The following SLC22A23 variants were observed in gnomAD, a reference collection of about 807,000 sequenced individuals.
SLC22A23 encodes ion transporter protein.
A neutral mutation model predicts 61.0 loss-of-function variants in SLC22A23; 26 were observed. The ratio of observed to expected loss-of-function variants is 0.43; its 90% CI spans 0.31 to 0.59. SLC22A23 has a LOEUF of 0.59. SLC22A23 is among the 20% of genes least tolerant of loss of function. SLC22A23 has a pLI of 0.11. For synonymous variants in SLC22A23, 430 were observed against 413.9 expected (o/e 1.04, Z -0.47); for missense variants, 796 against 934.7 (o/e 0.85, Z 1.94).
chr6:3,402,632 C>T (rs1047900241), intron 3 of SLC22A23, among the ~76,000 whole-genome samples: 15 of 150,802 alleles, frequency 9.9e-5, no homozygotes, highest in Admixed American at 2.0e-4. Flanking sequence ...ACACTAGGCT[C>T]TTCTAGGATC....
rs1772428897 is a variant in SLC22A23 at position 3,456,746 on chromosome 6, GC to G, written c.-188del. The G allele has an allele frequency of 9.0e-6, 2 of 221,124 alleles. No individual in the cohort carries two copies. Among genetic ancestry groups the G allele is most frequent in the Non-Finnish European group, 7.4e-6 (1 of 134,434 alleles). 13.7% of individuals were successfully genotyped at this position (221,124 alleles called of 1,614,324 possible). A position where few individuals can be genotyped will look rare whatever the true frequency, so the allele number is the denominator to read the frequency against. On this transcript the variant is annotated 5_prime_UTR_variant, in exon 1 of 10. Coordinates refer to ENST00000406686, the MANE Select transcript of SLC22A23 (RefSeq NM_015482.2). The surrounding 1 kb of genome is among the most constrained non-coding windows in gnomAD (Gnocchi z 7.1). The stretch of plus-strand genomic sequence containing the variant: ...CCCCATGTCACCCGCCGGACCCCGC[GC>G]CCCGGGCGCTGCGGCCCCGCTCGGG...
chr6:3,444,557 A>T (rs1419552432), intron 1 of SLC22A23, among the ~76,000 whole-genome samples: 1 of 152,194 alleles, frequency 6.6e-6, no homozygotes, highest in African/African-American at 2.4e-5. Context: ...TCAATGGCAT[A>T]AACTCAGATT....
At chr6:3,439,533 T>C (rs1043858149) in intron 1 of SLC22A23, 1 of 205,540 alleles carries the variant, frequency 4.9e-6, no homozygotes, top group South Asian at 6.8e-5. Flanking sequence ...GTTTGATTAG[T>C]TGCCATTTCA....
intron 4 of SLC22A23, among the ~76,000 whole-genome samples, chr6:3,310,169 A>G (rs781019685): frequency 2.0e-5 from 3 of 151,816 alleles, no homozygotes; most frequent in Admixed American, 6.6e-5. Context: ...ATACCATCAC[A>G]TTGTCACTCC....
At chr6:3,345,043 C>G (rs1447368471) in intron 3 of SLC22A23, among the ~76,000 whole-genome samples, 1 of 152,230 alleles carries the variant, frequency 6.6e-6, no homozygotes, top group East Asian at 1.9e-4. Context: ...AAAAGACCCA[C>G]GGCTAAGACT....
At chr6:3,290,192 T>C in intron 5 of SLC22A23, 1 of 407,198 alleles carries the variant, frequency 2.5e-6, no homozygotes, top group Non-Finnish European at 4.6e-6. Flanking sequence ...CACTTTTGTC[T>C]GAGTACAGAG....
At chr6:3,420,981 A>G (rs1770093778) in intron 1 of SLC22A23, among the ~76,000 whole-genome samples, 1 of 152,060 alleles carries the variant, frequency 6.6e-6, no homozygotes, top group South Asian at 2.1e-4. Flanking sequence ...CATGCCTGTA[A>G]TCCCAGCTAC....
intron 3 of SLC22A23, among the ~76,000 whole-genome samples, chr6:3,392,844 T>C (rs763909841): frequency 5.9e-5 from 9 of 152,202 alleles, no homozygotes; most frequent in Non-Finnish European, 1.0e-4. Flanking sequence ...CACAAGGCAG[T>C]AGGGTATACG....
chr6:3,365,880 T>C (rs1305223465), intron 3 of SLC22A23, among the ~76,000 whole-genome samples: 2 of 152,154 alleles, frequency 1.3e-5, no homozygotes, highest in African/African-American at 4.8e-5. Context: ...CCGACATACT[T>C]TGCTAACCAA....
chr6:3,430,674 G>A (rs1292220759), intron 1 of SLC22A23, among the ~76,000 whole-genome samples: 3 of 152,208 alleles, frequency 2.0e-5, no homozygotes, highest in Admixed American at 2.0e-4. Flanking sequence ...CAGACACACA[G>A]AAGGTGCTAT....
intron 3 of SLC22A23, among the ~76,000 whole-genome samples, chr6:3,366,482 T>C (rs9392486): frequency 0.7 from 106,776 of 151,808 alleles, 37,779 homozygotes; most frequent in East Asian, 0.84. Context: ...TTTAACTCGC[T>C]GTGTTGTGGG....
Position 3,279,460 on chromosome 6 carries a change from G to A in SLC22A23, c.1703+4392C>T, listed in dbSNP as rs574625107. ...AGGGAGTTGGAGGTTGCAGTGAGCC[G>A]AGATCACGCGACTGCACTCCAGCCT... On this transcript the variant is annotated intron_variant, in intron 9 of 9. Transcript: ENST00000406686. Among the ~76,000 whole-genome samples, 111 of 124,588 alleles carry A rather than the reference G, an allele frequency of 8.9e-4. 1 individual carries two copies. The highest frequency in any genetic ancestry group is 1.3e-3 in the Non-Finnish European group (82 of 62,956). The allele number at this position is 124,588 out of a possible 152,430, so 81.7% of individuals were successfully genotyped here.
At chr6:3,355,818 G>A (rs1369309605) in intron 3 of SLC22A23, among the ~76,000 whole-genome samples, 2 of 151,142 alleles carry the variant, frequency 1.3e-5, no homozygotes, top group African/African-American at 4.9e-5. Context: ...CAAAGCCGGC[G>A]TCGCTCTCAC....
intron 3 of SLC22A23, among the ~76,000 whole-genome samples, chr6:3,356,547 T>C (rs1463185145): frequency 6.6e-6 from 1 of 152,164 alleles, no homozygotes; most frequent in Non-Finnish European, 1.5e-5. Context: ...TTCATTGTCC[T>C]GGGCAAATCT....
chr6:3,437,172 A>G (rs759615169), intron 1 of SLC22A23, among the ~76,000 whole-genome samples: 2 of 152,170 alleles, frequency 1.3e-5, no homozygotes, highest in Non-Finnish European at 2.9e-5. Context: ...GATGAACAAC[A>G]AGAAGGCAAA....
intron 3 of SLC22A23, among the ~76,000 whole-genome samples, chr6:3,370,060 A>G (rs1398380173): frequency 6.6e-6 from 1 of 152,266 alleles, no homozygotes; most frequent in East Asian, 1.9e-4. Flanking sequence ...GATGACTATA[A>G]GAAAATCGGC....
chr6:3,335,961 C>T (rs1039078094), intron 3 of SLC22A23, among the ~76,000 whole-genome samples: 28 of 152,064 alleles, frequency 1.8e-4, no homozygotes, highest in African/African-American at 6.3e-4. Flanking sequence ...CGGTGGCGGG[C>T]GCCTGTAGTC....
intron 4 of SLC22A23, among the ~76,000 whole-genome samples, chr6:3,314,649 A>G (rs968407104): frequency 6.6e-6 from 1 of 152,176 alleles, no homozygotes; most frequent in Non-Finnish European, 1.5e-5. Flanking sequence ...GGCTATTTAC[A>G]TATTGGAATT....
In SLC22A23 at chr6:3,322,309, A is replaced by G. The variant is rs1763002691; in HGVS notation, c.1082+1525T>C. Among the ~76,000 whole-genome samples the G allele has an allele frequency of 6.6e-6, 1 of 152,234 alleles. No homozygotes were observed. Among genetic ancestry groups the G allele is most frequent in the South Asian group, 2.1e-4 (1 of 4,828 alleles). ...TAAATCAGCACCCTTGAACTCCGAAACAGCTAAGCCCAGCGAAGGCTGCCA... is the reference window on the plus strand; with the variant it reads ...TAAATCAGCACCCTTGAACTCCGAAGCAGCTAAGCCCAGCGAAGGCTGCCA... On this transcript the variant is annotated intron_variant, in intron 4 of 9. Coordinates refer to ENST00000406686, the MANE Select transcript of SLC22A23 (RefSeq NM_015482.2). This position sits in a 1 kb window ranked among gnomAD's most constrained non-coding sequence, Gnocchi z 4.1.
Sources: allele counts gnomAD v4.1 joint callset (sites outside exome capture counted in the v4.1 genomes callset), GRCh38; gene constraint gnomAD v4.1.1; non-coding constraint Gnocchi (gnomAD v3.1); transcripts MANE v1.5; gene names NCBI Gene and HGNC (gene_info 2026-07-23, HGNC 2026-07-21).